CCDC148: variants seen among roughly 807,000 people sequenced by gnomAD.
CCDC148 encodes the protein coiled-coil domain-containing protein 148.
In CCDC148, 89 loss-of-function variants were observed where a neutral mutation model predicts 85.7. That is an observed-to-expected ratio of 1.04 (90% CI 0.87 to 1.24). The LOEUF is 1.24. CCDC148 is among the 50% of genes most tolerant of loss of function. The pLI is 0.00. For synonymous variants in CCDC148, 230 were observed against 213.9 expected (o/e 1.08, Z -0.66); for missense variants, 692 against 671.7 (o/e 1.03, Z -0.33).
intron 11 of CCDC148, among the ~76,000 whole-genome samples, chr2:158,190,396 T>A (rs996136857): frequency 6.6e-6 from 1 of 151,988 alleles, no homozygotes; most frequent in African/African-American, 2.4e-5. Flanking sequence ...GTGCCATATA[T>A]GTAAATGTAT....
intron 1 of CCDC148, among the ~76,000 whole-genome samples, chr2:158,394,804 A>G (rs1212821059): frequency 6.6e-6 from 1 of 151,922 alleles, no homozygotes; most frequent in Non-Finnish European, 1.5e-5. Context: ...TGCCCACCTC[A>G]TTCTGACTAC....
At chr2:158,367,632 T>A (rs569549069) in intron 1 of CCDC148, among the ~76,000 whole-genome samples, 1 of 152,298 alleles carries the variant, frequency 6.6e-6, no homozygotes, top group Admixed American at 6.5e-5. Flanking sequence ...ATTTTAATTA[T>A]GGCCATAAGA....
chr2:158,187,152 T>A (rs1417893592), intron 11 of CCDC148, among the ~76,000 whole-genome samples: 1 of 151,972 alleles, frequency 6.6e-6, no homozygotes, highest in Admixed American at 6.6e-5. Context: ...AGCATTCATT[T>A]CCTCAATATG....
intron 11 of CCDC148, among the ~76,000 whole-genome samples, chr2:158,201,855 A>G (rs1359575541): frequency 1.3e-5 from 2 of 152,218 alleles, no homozygotes; most frequent in Non-Finnish European, 2.9e-5. Context: ...TGGAATTACC[A>G]TTCATTTTCT....
intron 11 of CCDC148, among the ~76,000 whole-genome samples, chr2:158,182,515 G>A (rs1684953053): frequency 6.6e-6 from 1 of 152,120 alleles, no homozygotes; most frequent in South Asian, 2.1e-4. Context: ...AGGTAAGGCA[G>A]TAAGAGAGGG....
chr2:158,437,159 G>C (rs945627953), intron 1 of CCDC148, among the ~76,000 whole-genome samples: 4 of 152,116 alleles, frequency 2.6e-5, no homozygotes, highest in Non-Finnish European at 1.5e-5. Flanking sequence ...CCAAAGCCTG[G>C]CAGAGACACA....
At chr2:158,351,004 A>C (rs1299524606) in intron 2 of CCDC148, among the ~76,000 whole-genome samples, 1 of 152,102 alleles carries the variant, frequency 6.6e-6, no homozygotes, top group Admixed American at 6.5e-5. Flanking sequence ...ATCTCATTGT[A>C]ACTTCATACT....
At chr2:158,390,225 C>T (rs1037583503) in intron 1 of CCDC148, among the ~76,000 whole-genome samples, 1 of 152,032 alleles carries the variant, frequency 6.6e-6, no homozygotes, top group Non-Finnish European at 1.5e-5. Context: ...CTCAATTCCT[C>T]CCAGGCAAAA....
At chr2:158,331,287 G>T (rs551842483) in intron 7 of CCDC148, among the ~76,000 whole-genome samples, 4 of 152,280 alleles carry the variant, frequency 2.6e-5, no homozygotes, top group African/African-American at 4.8e-5. Context: ...TCAGGAGCAG[G>T]TTGTTCAGTT....
chr2:158,355,356 A>C (rs971584483), intron 2 of CCDC148, among the ~76,000 whole-genome samples: 16 of 152,274 alleles, frequency 1.1e-4, no homozygotes, highest in African/African-American at 3.6e-4. Flanking sequence ...AAATCTCCTT[A>C]AGCTGATAAG....
chr2:158,415,963 A>G (rs1360096480), intron 1 of CCDC148, among the ~76,000 whole-genome samples: 6 of 152,238 alleles, frequency 3.9e-5, no homozygotes. Flanking sequence ...CCCATTCAGC[A>G]GACTTCTGCC....
chr2:158,342,026 C>CTTT (rs1159799812), intron 3 of CCDC148, among the ~76,000 whole-genome samples: 17 of 62,642 alleles, frequency 2.7e-4, no homozygotes, highest in African/African-American at 3.6e-4. Context: ...ATTTTCTTTT[C>CTTT]TTTTTTTTTT....
rs73966272 is a variant in CCDC148 at position 158,174,867 on chromosome 2, A to G, written c.1629+1654T>C. Among the ~76,000 whole-genome samples the G allele has an allele frequency of 4.1e-3, 620 of 152,186 alleles. 4 individuals are homozygous for G. The highest frequency in any genetic ancestry group is 0.014 in the African/African-American group (562 of 41,554). Reference sequence around the variant, plus strand: ...ATTATAATCTTAAGGGACCACCAACATATATGTGGTCTGTCTTTGACCAAA... The same window carrying G: ...ATTATAATCTTAAGGGACCACCAACGTATATGTGGTCTGTCTTTGACCAAA... On this transcript the variant is annotated intron_variant, in intron 13 of 13. Coordinates refer to ENST00000283233, the MANE Select transcript of CCDC148 (RefSeq NM_138803.4).
intron 1 of CCDC148, among the ~76,000 whole-genome samples, chr2:158,429,182 T>C (rs1395706080): frequency 6.6e-6 from 1 of 152,118 alleles, no homozygotes; most frequent in Non-Finnish European, 1.5e-5. Flanking sequence ...ATATACCTAA[T>C]GTACATGACG....
chr2:158,240,450 TCTCACACACACACACACACA>T (rs1173485229), intron 10 of CCDC148, among the ~76,000 whole-genome samples: 2 of 92,482 alleles, frequency 2.2e-5, no homozygotes, highest in African/African-American at 6.8e-5. Context: ...TCTCTCTCTC[TCTCACACACACACACACACA>T]CACACACACA....
chr2:158,354,510 C>T (rs1683514253), intron 2 of CCDC148, among the ~76,000 whole-genome samples: 1 of 152,142 alleles, frequency 6.6e-6, no homozygotes, highest in African/African-American at 2.4e-5. Flanking sequence ...CACATACACT[C>T]TCCCAAGACT....
At chr2:158,398,000 TA>T (rs1316447052) in intron 1 of CCDC148, among the ~76,000 whole-genome samples, 3 of 152,082 alleles carry the variant, frequency 2.0e-5, no homozygotes, top group African/African-American at 4.8e-5. Flanking sequence ...AAACAGATTT[TA>T]AACCAACAAA....
intron 1 of CCDC148, among the ~76,000 whole-genome samples, chr2:158,421,353 G>A (rs2105323354): frequency 6.6e-6 from 1 of 152,228 alleles, no homozygotes; most frequent in East Asian, 1.9e-4. Flanking sequence ...GCACTCCTCA[G>A]CAAATGTCAA....
chr2:158,403,618 CAATT>C (rs927042702), intron 1 of CCDC148, among the ~76,000 whole-genome samples: 1 of 151,910 alleles, frequency 6.6e-6, no homozygotes, highest in African/African-American at 2.4e-5. Flanking sequence ...TCAAACTAAA[CAATT>C]AAATTGGCAT....
Sources: allele counts gnomAD v4.1 joint callset (sites outside exome capture counted in the v4.1 genomes callset), GRCh38; gene constraint gnomAD v4.1.1; transcripts MANE v1.5; gene names NCBI Gene and HGNC (gene_info 2026-07-23, HGNC 2026-07-21).